Variants in OPCML observed in about 807,000 individuals in gnomAD.
The protein encoded by OPCML is opioid-binding protein/cell adhesion molecule.
A neutral mutation model predicts 37.8 loss-of-function variants in OPCML; 13 were observed. That is an observed-to-expected ratio of 0.34 (90% confidence interval 0.22 to 0.55). The LOEUF (loss-of-function observed/expected upper bound fraction) is 0.55, where lower values mean the gene tolerates loss of function less well. Among genes scored for constraint, OPCML ranks in the 20% least tolerant of loss-of-function variants. OPCML has a pLI of 0.91. For missense variants in OPCML, 341 were observed against 435.6 expected, an observed-to-expected ratio of 0.78 and a Z score of 1.93; for synonymous variants, 176 against 168.8, an observed-to-expected ratio of 1.04 and a Z score of -0.33.
chr11:132,616,643 T>G (rs1437716065), intron 3 of OPCML, among the ~76,000 whole-genome samples: 1 of 152,228 alleles, frequency 6.6e-6, no homozygotes, highest in Non-Finnish European at 1.5e-5. Context: ...ACAGACGGTT[T>G]TATATCATAG....
At chr11:133,422,716 T>C in intron 1 of OPCML, 1 of 981,712 alleles carries the variant, frequency 1.0e-6, no homozygotes, top group Non-Finnish European at 1.2e-6. Context: ...ACTCTCAAAC[T>C]TTCTCATATT....
intron 3 of OPCML, among the ~76,000 whole-genome samples, chr11:132,604,095 T>C (rs1338520038): frequency 2.0e-5 from 3 of 152,170 alleles, no homozygotes; most frequent in Admixed American, 1.3e-4. Context: ...TAGCAAATGA[T>C]TCTAAATATT....
At chr11:133,151,053 T>C (rs1303656745) in intron 1 of OPCML, among the ~76,000 whole-genome samples, 1 of 151,798 alleles carries the variant, frequency 6.6e-6, no homozygotes, top group African/African-American at 2.4e-5. Context: ...GGTGAGCGGA[T>C]CACAAGGTCA....
intron 1 of OPCML, among the ~76,000 whole-genome samples, chr11:133,482,518 G>A (rs1471029264): frequency 6.6e-6 from 1 of 152,162 alleles, no homozygotes; most frequent in Non-Finnish European, 1.5e-5. Flanking sequence ...ACAACCAGAA[G>A]GGAGGGTGGC....
intron 2 of OPCML, among the ~76,000 whole-genome samples, chr11:132,818,550 C>T (rs537938364): frequency 3.8e-4 from 58 of 150,988 alleles, no homozygotes; most frequent in African/African-American, 1.0e-3. Context: ...CAGTCTTGCT[C>T]GCCGTGTGAG....
At chr11:132,679,272 G>A (rs375913546) in intron 2 of OPCML, among the ~76,000 whole-genome samples, 8 of 151,912 alleles carry the variant, frequency 5.3e-5, no homozygotes, top group Admixed American at 1.3e-4. Flanking sequence ...ATGAACACAC[G>A]TCCACACAAA....
At chr11:133,352,141 C>G (rs746557716) in intron 1 of OPCML, among the ~76,000 whole-genome samples, 7 of 152,202 alleles carry the variant, frequency 4.6e-5, no homozygotes, top group Non-Finnish European at 1.0e-4. Flanking sequence ...GACCATTTCA[C>G]TCTAATGGCT....
At chr11:133,459,399 C>T (rs1314540518) in intron 1 of OPCML, among the ~76,000 whole-genome samples, 1 of 151,906 alleles carries the variant, frequency 6.6e-6, no homozygotes, top group African/African-American at 2.4e-5. Context: ...ATGTAAGTGG[C>T]TTAAACTCTC....
In OPCML at chr11:133,377,614, A is replaced by C. The variant is rs1397936452; in HGVS notation, c.61+154650T>G. ...TCTCTCTGACGTGCCAGTATTCAGA[A>C]AAAAAAAAAAAAAGAGCACCAAGTC... On this transcript the variant is annotated intron_variant, in intron 1 of 7. Coordinates refer to ENST00000524381, the MANE Select transcript of OPCML (RefSeq NM_001012393.5). 1.3e-5 allele frequency among the ~76,000 whole-genome samples: 2 copies of C among 148,302 alleles called. 1 individual carries two copies. The highest frequency in any genetic ancestry group is 3.0e-5 in the Non-Finnish European group (2 of 67,060).
intron 1 of OPCML, among the ~76,000 whole-genome samples, chr11:133,323,577 G>A (rs866990208): frequency 3.3e-5 from 5 of 152,114 alleles, no homozygotes; most frequent in Admixed American, 6.6e-5. Context: ...TGTTCAGTCC[G>A]TGCCCAGAGT....
chr11:133,491,319 T>G (rs1247153492), intron 1 of OPCML, among the ~76,000 whole-genome samples: 2 of 152,152 alleles, frequency 1.3e-5, no homozygotes, highest in African/African-American at 4.8e-5. Flanking sequence ...TCACACAGCC[T>G]TGAAAAATGT....
At chr11:132,480,066 AC>A (rs2096173916) in intron 4 of OPCML, among the ~76,000 whole-genome samples, 4 of 152,262 alleles carry the variant, frequency 2.6e-5, no homozygotes, top group Admixed American at 2.6e-4. Context: ...CGATCAAATT[AC>A]TCTGAGCTAC....
chr11:132,600,147 T>G (rs1937751533), intron 3 of OPCML, among the ~76,000 whole-genome samples: 1 of 152,192 alleles, frequency 6.6e-6, no homozygotes, highest in Non-Finnish European at 1.5e-5. Flanking sequence ...GCATCTTGAC[T>G]GAACCCTGGT....
chr11:132,509,313 GT>G (rs1053786356), intron 4 of OPCML, among the ~76,000 whole-genome samples: 1 of 151,930 alleles, frequency 6.6e-6, no homozygotes, highest in African/African-American at 2.4e-5. Flanking sequence ...GAGCATAAAT[GT>G]TCAGAAAATT....
chr11:133,223,012 A>G (rs1329419657), intron 1 of OPCML, among the ~76,000 whole-genome samples: 3 of 152,208 alleles, frequency 2.0e-5, no homozygotes, highest in Non-Finnish European at 1.5e-5. Context: ...CCTTAGAACT[A>G]CAACCATGGG....
intron 2 of OPCML, among the ~76,000 whole-genome samples, chr11:132,883,167 G>A (rs1422522604): frequency 8.6e-5 from 13 of 152,022 alleles, no homozygotes; most frequent in East Asian, 1.9e-4. Context: ...CATGCAACAC[G>A]TGAATCTACT....
At chr11:133,368,072 G>T (rs959483021) in intron 1 of OPCML, among the ~76,000 whole-genome samples, 3 of 152,196 alleles carry the variant, frequency 2.0e-5, no homozygotes, top group African/African-American at 7.2e-5. Flanking sequence ...TGCCCTGCCA[G>T]GGCTGGTTAT....
intron 1 of OPCML, among the ~76,000 whole-genome samples, chr11:133,463,924 T>TC (rs1055986026): frequency 3.8e-4 from 58 of 152,208 alleles, no homozygotes; most frequent in African/African-American, 1.3e-3. Context: ...GGCCACATCT[T>TC]CATCGGCATC....
At chr11:133,103,717 A>G (rs964952222) in intron 1 of OPCML, among the ~76,000 whole-genome samples, 2 of 152,212 alleles carry the variant, frequency 1.3e-5, no homozygotes, top group African/African-American at 4.8e-5. Flanking sequence ...ACTATTACCT[A>G]CAGGCCTTCC....
Sources: allele counts gnomAD v4.1 joint callset (sites outside exome capture counted in the v4.1 genomes callset), GRCh38; gene constraint gnomAD v4.1.1; transcripts MANE v1.5; gene names NCBI Gene and HGNC (gene_info 2026-07-23, HGNC 2026-07-21).